Variants in NTN4 observed in about 807,000 individuals in gnomAD.
The protein encoded by NTN4 is netrin 4.
NTN4 carries 32 observed loss-of-function variants against 73.6 expected under a neutral mutation model. That is an observed-to-expected ratio of 0.44 (90% CI 0.33 to 0.58). The LOEUF (loss-of-function observed/expected upper bound fraction) is 0.58. Among genes scored for constraint, NTN4 ranks in the 20% least tolerant of loss-of-function variants. The pLI is 0.04. For missense variants in NTN4, 654 were observed against 798.3 expected (o/e 0.82, Z 2.18); for synonymous variants, 258 against 287.5 (o/e 0.90, Z 1.04).
chr12:95,713,020 C>A (rs1471126679), intron 4 of NTN4, among the ~76,000 whole-genome samples, 192 bp downstream of exon 4: 1 of 152,068 alleles, frequency 6.6e-6, no homozygotes, highest in African/African-American at 2.4e-5. Context: ...AAAACAGTCA[C>A]ATTGGCAATG....
chr12:95,675,125 A>G (rs2078263569), intron 7 of NTN4, among the ~76,000 whole-genome samples: 1 of 152,244 alleles, frequency 6.6e-6, no homozygotes, highest in Non-Finnish European at 1.5e-5. Flanking sequence ...AAAAAAATTC[A>G]TAGTAAAGAC....
chr12:95,713,421 G>T, intron 3 of NTN4, 83 bp from the exon 4 acceptor site: 1 of 1,414,776 alleles, frequency 7.1e-7, no homozygotes, highest in Non-Finnish European at 9.5e-7. Flanking sequence ...CTAATCTCAT[G>T]GATTGGCTTT....
At chr12:95,752,384 T>C (rs1359265025) in intron 2 of NTN4, among the ~76,000 whole-genome samples, 1 of 150,714 alleles carries the variant, frequency 6.6e-6, no homozygotes, top group Admixed American at 6.6e-5. Context: ...TACCTGCCTC[T>C]ACAACCCATT....
At chr12:95,745,585 C>T (rs980560078) in intron 2 of NTN4, among the ~76,000 whole-genome samples, 1 of 152,152 alleles carries the variant, frequency 6.6e-6, no homozygotes, top group African/African-American at 2.4e-5. Flanking sequence ...GTGATAATAA[C>T]TGTTTTAAAG....
chr12:95,693,240 G>A (rs749065074), intron 5 of NTN4, among the ~76,000 whole-genome samples: 1 of 151,820 alleles, frequency 6.6e-6, no homozygotes, highest in South Asian at 2.1e-4. Context: ...GTAGTTCAGG[G>A]TGCATGAGAA....
chr12:95,690,358 T>G (rs1234146533), intron 5 of NTN4, among the ~76,000 whole-genome samples: 1 of 152,214 alleles, frequency 6.6e-6, no homozygotes, highest in African/African-American at 2.4e-5. Context: ...CTTAAAGAGA[T>G]CCCAAGTTTA....
intron 2 of NTN4, among the ~76,000 whole-genome samples, chr12:95,759,233 T>C (rs933347718): frequency 6.6e-6 from 1 of 152,184 alleles, no homozygotes; most frequent in South Asian, 2.1e-4. Flanking sequence ...TGTGGATTTA[T>C]AACTTTCATC....
chr12:95,788,979 G>A (rs1565921828), intron 1 of NTN4, among the ~76,000 whole-genome samples: 1 of 152,120 alleles, frequency 6.6e-6, no homozygotes, highest in Non-Finnish European at 1.5e-5. Flanking sequence ...GGTTTGAGAA[G>A]GAAAAGGTTT....
At chr12:95,716,698 T>C (rs965801413) in intron 3 of NTN4, among the ~76,000 whole-genome samples, 7 of 152,192 alleles carry the variant, frequency 4.6e-5, no homozygotes, top group Admixed American at 2.0e-4. Flanking sequence ...TCTGAAAATA[T>C]TCAGAAGTTG....
chr12:95,787,552 GGATC>G, intron 1 of NTN4, 84 bp from the exon 2 acceptor site: 2 of 1,375,986 alleles, frequency 1.5e-6, no homozygotes, highest in East Asian at 4.6e-5. Context: ...CAACAGTCAA[GGATC>G]TCCCCAAAAG....
chr12:95,749,463 C>T (rs1275669785), intron 2 of NTN4, among the ~76,000 whole-genome samples: 12 of 152,150 alleles, frequency 7.9e-5, no homozygotes, highest in Non-Finnish European at 1.6e-4. Context: ...CTTCTCCAAC[C>T]TCTCTCACTG....
At chr12:95,766,617 C>T (rs12312156) in intron 2 of NTN4, among the ~76,000 whole-genome samples, 2,114 of 152,280 alleles carry the variant, frequency 0.014, 52 homozygotes, top group African/African-American at 0.048. Flanking sequence ...CTCTCATAGG[C>T]GAAATATCCC....
chr12:95,786,388 G>A lies in NTN4; in HGVS notation c.585+551C>T, dbSNP rs1188818250. The stretch of plus-strand genomic sequence containing the variant: ...CTAATGAGGCTGTTTTGCAGAATGA[G>A]TTTAAGATGGCCTAAGCTGAAATTC... On this transcript the variant is annotated intron_variant, in intron 2 of 9. Transcript: ENST00000343702. Among the ~76,000 whole-genome samples, 6 of 152,216 alleles carry A rather than the reference G, an allele frequency of 3.9e-5. No homozygotes were observed. In the East Asian group the frequency reaches 9.6e-4, roughly 24 times the overall value.
At chr12:95,680,261 T>C (rs1488085869) in intron 7 of NTN4, among the ~76,000 whole-genome samples, 1 of 152,222 alleles carries the variant, frequency 6.6e-6, no homozygotes, top group African/African-American at 2.4e-5. Flanking sequence ...TAAATATCTG[T>C]TGGATGAATG....
At chr12:95,721,641 G>A (rs908624511) in intron 3 of NTN4, among the ~76,000 whole-genome samples, 19 of 152,256 alleles carry the variant, frequency 1.2e-4, no homozygotes, top group South Asian at 4.2e-4. Flanking sequence ...TATTAGATAC[G>A]ATCTGGTAAG....
chr12:95,664,456 G>A (rs1213852107), intron 9 of NTN4, among the ~76,000 whole-genome samples: 2 of 152,254 alleles, frequency 1.3e-5, no homozygotes, highest in African/African-American at 4.8e-5. Context: ...AGAAAAGGAT[G>A]TGAGAGATTG....
intron 2 of NTN4, among the ~76,000 whole-genome samples, chr12:95,768,544 G>A (rs1391107869): frequency 3.9e-5 from 6 of 152,106 alleles, no homozygotes; most frequent in Non-Finnish European, 8.8e-5. Context: ...AGCTCAGGAG[G>A]CAGGGATGAG....
intron 4 of NTN4, 148 bp downstream of exon 4, chr12:95,713,064 C>T: frequency 2.4e-6 from 2 of 844,748 alleles, no homozygotes; most frequent in Non-Finnish European, 3.4e-6. Context: ...TGGCTGAAGC[C>T]TCAGTGGGCA....
intron 5 of NTN4, among the ~76,000 whole-genome samples, chr12:95,692,142 TCTCCTGCCCCAGC>T (rs963298428): frequency 8.6e-5 from 13 of 151,988 alleles, no homozygotes; most frequent in African/African-American, 2.9e-4. Context: ...TCCAAGTGAT[TCTCCTGCCCCAGC>T]CTCCTGAGTA....
Sources: gnomAD v4.1 joint callset for allele counts (sites outside exome capture counted in the v4.1 genomes callset) on GRCh38, gnomAD v4.1.1 for gene constraint, MANE v1.5 for transcripts, NCBI Gene and HGNC (gene_info 2026-07-23, HGNC 2026-07-21) for gene names.